The following PTPRD variants were observed in gnomAD, a reference collection of about 807,000 sequenced individuals.
The protein encoded by PTPRD is protein tyrosine phosphatase receptor type D.
Under a neutral mutation model 214.5 loss-of-function variants are expected in PTPRD, and 34 were observed. That is an observed-to-expected ratio of 0.16 (90% confidence interval 0.12 to 0.21). The LOEUF is 0.21. Ranked by LOEUF, PTPRD falls within the 10% of genes least tolerant of loss-of-function variation. PTPRD has a pLI of 1.00. For missense variants in PTPRD, 2,545 were observed against 2,398.7 expected, an observed-to-expected ratio of 1.06 and a Z score of -1.27; for synonymous variants, 1,128 against 845.7, an observed-to-expected ratio of 1.33 and a Z score of -5.79.
intron 9 of PTPRD, among the ~76,000 whole-genome samples, chr9:9,275,056 T>TAC (rs1944460081): frequency 1.5e-5 from 1 of 65,904 alleles, no homozygotes; most frequent in Non-Finnish European, 2.9e-5. Flanking sequence ...TATATATATG[T>TAC]ATATATATAT....
intron 5 of PTPRD, among the ~76,000 whole-genome samples, chr9:9,793,861 AG>A (rs1237991254): frequency 6.6e-6 from 1 of 152,238 alleles, no homozygotes; most frequent in African/African-American, 2.4e-5. Context: ...AAAAGTTTTG[AG>A]GATAAAATGG....
chr9:9,457,840 A>AT (rs2093225941), intron 8 of PTPRD, among the ~76,000 whole-genome samples: 1 of 151,974 alleles, frequency 6.6e-6, no homozygotes, highest in African/African-American at 2.4e-5. Flanking sequence ...ACCCCAGGGC[A>AT]TTTTTTCCCC....
At chr9:10,450,291 A>G (rs985501596) in intron 2 of PTPRD, among the ~76,000 whole-genome samples, 2 of 151,712 alleles carry the variant, frequency 1.3e-5, no homozygotes, top group Admixed American at 1.3e-4. Context: ...TAAAAAACAA[A>G]AAAAGATTAT....
intron 5 of PTPRD, among the ~76,000 whole-genome samples, chr9:9,821,798 G>T (rs1268958586): frequency 6.6e-6 from 1 of 151,616 alleles, no homozygotes; most frequent in African/African-American, 2.4e-5. Flanking sequence ...AGTAAAGCAA[G>T]GATTTGAATT....
In PTPRD at chr9:9,889,803, G is replaced by C. The variant is rs142591372; in HGVS notation, c.-368+48704C>G. On this transcript the variant is annotated intron_variant, in intron 5 of 45. Coordinates refer to ENST00000381196, the MANE Select transcript of PTPRD (RefSeq NM_002839.4). ...GTTCCTGCTGAGTGTGTGTGTGTGT[G>C]TGTGTGTGTATGTGTGTGTGTGTGT... is the stretch of plus-strand genomic sequence containing the variant. 5.9e-3 allele frequency among the ~76,000 whole-genome samples: 891 copies of C among 151,134 alleles called. 14 individuals carry two copies. Among genetic ancestry groups the C allele is most frequent in the African/African-American group, 0.02 (830 of 40,738 alleles).
intron 31 of PTPRD, 51 bp from the exon 32 acceptor site, chr9:8,465,726 C>T: frequency 6.8e-7 from 1 of 1,474,454 alleles, no homozygotes; most frequent in Non-Finnish European, 9.3e-7. Context: ...AATAACCCAG[C>T]TTATTGATAA....
At chr9:8,741,439 C>T (rs2091896244) in intron 11 of PTPRD, among the ~76,000 whole-genome samples, 1 of 152,018 alleles carries the variant, frequency 6.6e-6, no homozygotes, top group Non-Finnish European at 1.5e-5. Flanking sequence ...ATATTTGTTC[C>T]TTTCATCCAA....
intron 14 of PTPRD, among the ~76,000 whole-genome samples, chr9:8,580,740 C>A (rs977074352): frequency 2.6e-5 from 4 of 152,040 alleles, no homozygotes; most frequent in African/African-American, 9.7e-5. Context: ...TTATGGTCAG[C>A]CAGACAAAAG....
At chr9:9,742,756 T>G (rs570629833) in intron 6 of PTPRD, among the ~76,000 whole-genome samples, 1 of 152,324 alleles carries the variant, frequency 6.6e-6, no homozygotes, top group South Asian at 2.1e-4. Flanking sequence ...ACACCTGTTA[T>G]AAATATCAAC....
At chr9:9,146,080 A>G (rs2099868141) in intron 10 of PTPRD, among the ~76,000 whole-genome samples, 1 of 152,200 alleles carries the variant, frequency 6.6e-6, no homozygotes, top group Non-Finnish European at 1.5e-5. Flanking sequence ...CAGTGACATC[A>G]GACCACAAAT....
At chr9:10,569,505 GTC>G (rs141331871) in intron 2 of PTPRD, among the ~76,000 whole-genome samples, 669 of 142,176 alleles carry the variant, frequency 4.7e-3, no homozygotes, top group East Asian at 5.9e-3. Context: ...GTATATGCAT[GTC>G]TCTCTCTCTC....
intron 3 of PTPRD, among the ~76,000 whole-genome samples, chr9:10,125,627 T>A (rs1256875662): frequency 3.7e-5 from 5 of 136,138 alleles, no homozygotes; most frequent in African/African-American, 1.5e-4. Context: ...GCTAATTGTG[T>A]GTGTGTGTGT....
intron 11 of PTPRD, among the ~76,000 whole-genome samples, chr9:9,006,547 G>C (rs563252770): frequency 3.7e-4 from 57 of 152,066 alleles, no homozygotes; most frequent in African/African-American, 1.3e-3. Flanking sequence ...CTCTAAATTT[G>C]CAATTCCCAT....
intron 7 of PTPRD, among the ~76,000 whole-genome samples, chr9:9,728,140 C>A (rs2098125121): frequency 6.6e-6 from 1 of 152,096 alleles, no homozygotes; most frequent in African/African-American, 2.4e-5. Context: ...GTAAGATGTG[C>A]CTTTCACCTT....
At chr9:8,431,358 C>A (rs908108051) in intron 35 of PTPRD, among the ~76,000 whole-genome samples, 1 of 152,112 alleles carries the variant, frequency 6.6e-6, no homozygotes, top group African/African-American at 2.4e-5. Flanking sequence ...AAGATGAAAG[C>A]TCCAGAGAAG....
Position 9,417,187 on chromosome 9 carries a change from T to C in PTPRD, c.-236-19705A>G, listed in dbSNP as rs183042276. Among the ~76,000 whole-genome samples, 155 of 152,314 alleles carry C rather than the reference T, an allele frequency of 1.0e-3. 1 individual carries two copies. Among genetic ancestry groups the C allele is most frequent in the African/African-American group, 3.4e-3 (142 of 41,582 alleles). On this transcript the variant is annotated intron_variant, in intron 8 of 45. Coordinates refer to ENST00000381196, the MANE Select transcript of PTPRD (RefSeq NM_002839.4). ...AAATTGGTGCTACAGAAGCAGACTG[T>C]TATTTTTAAGGCATTTAGGGAAAGC... is the stretch of plus-strand genomic sequence containing the variant.
chr9:8,580,266 G>A (rs1012673498), intron 14 of PTPRD, among the ~76,000 whole-genome samples: 4 of 152,084 alleles, frequency 2.6e-5, no homozygotes, highest in African/African-American at 9.7e-5. Context: ...GGAGATAACT[G>A]ACAAACCAAG....
At chr9:8,634,628 A>G (rs1426613116) in intron 13 of PTPRD, among the ~76,000 whole-genome samples, 1 of 152,118 alleles carries the variant, frequency 6.6e-6, no homozygotes, top group Non-Finnish European at 1.5e-5. Context: ...TACACTTTAA[A>G]ATAAATCTAC....
chr9:9,779,415 C>A (rs1260893491), intron 5 of PTPRD, among the ~76,000 whole-genome samples: 2 of 152,058 alleles, frequency 1.3e-5, no homozygotes, highest in Non-Finnish European at 2.9e-5. Context: ...AATAAACAGA[C>A]AACATGCAGA....
Sources: allele counts gnomAD v4.1 joint callset (sites outside exome capture counted in the v4.1 genomes callset), GRCh38; gene constraint gnomAD v4.1.1; transcripts MANE v1.5; gene names NCBI Gene and HGNC (gene_info 2026-07-23, HGNC 2026-07-21).